SLC25A53: variants seen among roughly 807,000 people sequenced by gnomAD.
SLC25A53 encodes solute carrier family 25 member 53.
In SLC25A53, 5 loss-of-function variants were observed where a neutral mutation model predicts 15.0. The observed-to-expected ratio is 0.33, with a 90% CI of 0.17 to 0.70. The LOEUF is 0.70. Ranked by LOEUF, SLC25A53 falls within the 30% of genes least tolerant of loss-of-function variation. The probability of loss-of-function intolerance (pLI) is 0.67; values close to 1 mark genes in which losing one functional copy is unlikely to be tolerated. For synonymous variants in SLC25A53, 95 were observed against 100.0 expected, an observed-to-expected ratio of 0.95 and a Z score of 0.30; for missense variants, 216 against 241.6, an observed-to-expected ratio of 0.89 and a Z score of 0.70.
chrX:104,132,626 C>CA (rs1194332681), intron 1 of SLC25A53, among the ~76,000 whole-genome samples: 2 of 111,889 alleles, frequency 1.8e-5, no homozygotes, highest in Non-Finnish European at 3.8e-5. Flanking sequence ...ACACCCTGGA[C>CA]AAAATTTTTT....
At chrX:104,112,432 C>T (rs1239533744) in intron 1 of SLC25A53, 23 of 114,162 alleles carry the variant, frequency 2.0e-4, no homozygotes, top group African/African-American at 7.0e-4. Context: ...GCCCGCTCCC[C>T]CTTCTTGCTA....
intron 1 of SLC25A53, among the ~76,000 whole-genome samples, chrX:104,140,445 T>C (rs937803098): frequency 5.4e-5 from 6 of 110,682 alleles, no homozygotes; most frequent in Non-Finnish European, 7.5e-5. Context: ...ATAATCTCCA[T>C]GGCTTGTGTT....
At chrX:104,129,769 A>C (rs1300198682) in intron 1 of SLC25A53, among the ~76,000 whole-genome samples, 2 of 107,197 alleles carry the variant, frequency 1.9e-5, no homozygotes, top group East Asian at 2.8e-4. Context: ...AACTACATTT[A>C]TATATATAAG....
chrX:104,140,322 CGTGT>C (rs55930796), intron 1 of SLC25A53, among the ~76,000 whole-genome samples: 4 of 100,907 alleles, frequency 4.0e-5, no homozygotes, highest in African/African-American at 1.1e-4. Context: ...GACAGGATTC[CGTGT>C]GTGTGTGTGT....
At chrX:104,148,097 T>C (rs2075473775) in intron 1 of SLC25A53, among the ~76,000 whole-genome samples, 1 of 110,070 alleles carries the variant, frequency 9.1e-6, no homozygotes, top group Non-Finnish European at 1.9e-5. Flanking sequence ...GTGGCACATA[T>C]ACACCATGGA....
chrX:104,110,943 G>A (rs1376670657), intron 1 of SLC25A53, among the ~76,000 whole-genome samples: 3 of 112,764 alleles, frequency 2.7e-5, no homozygotes, highest in Non-Finnish European at 3.7e-5. Context: ...CGTTATGACA[G>A]ACCCATTTGA....
At chrX:104,148,516 A>C (rs1178880637) in intron 1 of SLC25A53, among the ~76,000 whole-genome samples, 2 of 110,984 alleles carry the variant, frequency 1.8e-5, no homozygotes, top group African/African-American at 3.3e-5. Flanking sequence ...AAAAAGGATG[A>C]GTTCATGTCC....
chrX:104,110,889 T>C (rs7889394), intron 1 of SLC25A53, among the ~76,000 whole-genome samples: 2 of 112,044 alleles, frequency 1.8e-5, no homozygotes, highest in South Asian at 7.2e-4. Context: ...AATGGGGTTT[T>C]ATTTCTCACA....
At chrX:104,123,807 G>C (rs1556363594) in intron 1 of SLC25A53, among the ~76,000 whole-genome samples, 1 of 110,972 alleles carries the variant, frequency 9.0e-6, no homozygotes, top group Non-Finnish European at 1.9e-5. Flanking sequence ...GTGAGAATAT[G>C]TGGTGTTTGG....
At chrX:104,111,213 C>T (rs1199519143) in intron 1 of SLC25A53, among the ~76,000 whole-genome samples, 4 of 112,283 alleles carry the variant, frequency 3.6e-5, no homozygotes, top group Non-Finnish European at 5.6e-5. Flanking sequence ...TCACACTCTT[C>T]ACCCCTAGTC....
rs1362935416 is a variant in SLC25A53, at chrX:104,104,962, T to G, written c.296A>C (p.Tyr99Ser). Residue 99 changes from tyrosine (Y) to serine (S), a missense_variant, in exon 2 of 2, where the codon TAT becomes TCT. Tyr to Ser is a moderately radical substitution (Grantham distance 144). Transcript: ENST00000594199. ...AGAGAGAAAGCACAGCAGGCTATCA[T>G]AAGTCCCAAACAGAAGAGTCCCTTG... The part of the protein sequence containing the change: ...TLQGTLLFGT[Y>S]DSLLCFLSPV... 7 of 1,209,297 alleles carry G rather than the reference T, an allele frequency of 5.8e-6. No homozygotes were observed. The highest frequency in any genetic ancestry group is 7.8e-6 in the Non-Finnish European group (7 of 895,185).
chrX:104,145,639 C>T (rs1285692094), intron 1 of SLC25A53, among the ~76,000 whole-genome samples: 1 of 111,903 alleles, frequency 8.9e-6, no homozygotes, highest in Non-Finnish European at 1.9e-5. Context: ...CACCACCGAT[C>T]CCACAGAACT....
At chrX:104,117,269 C>T (rs888178166) in intron 1 of SLC25A53, among the ~76,000 whole-genome samples, 11 of 106,425 alleles carry the variant, frequency 1.0e-4, no homozygotes, top group African/African-American at 3.1e-4. Context: ...CATTCCTATC[C>T]CCCTTGCTCC....
At chrX:104,138,513 G>A (rs1482850188) in intron 1 of SLC25A53, among the ~76,000 whole-genome samples, 2 of 112,516 alleles carry the variant, frequency 1.8e-5, no homozygotes, top group East Asian at 5.6e-4. Context: ...CCCAGTGGGC[G>A]TGTGTTACAG....
At chrX:104,132,108 C>T (rs1476743636) in intron 1 of SLC25A53, among the ~76,000 whole-genome samples, 2 of 112,523 alleles carry the variant, frequency 1.8e-5, no homozygotes, top group African/African-American at 6.5e-5. Flanking sequence ...TGGCAGAGGA[C>T]TAGATGGGGG....
At chrX:104,153,246 G>GTATA (rs796336204) in intron 1 of SLC25A53, among the ~76,000 whole-genome samples, 4 of 81,938 alleles carry the variant, frequency 4.9e-5, no homozygotes, top group East Asian at 4.8e-4. Context: ...TAGAGTGTGT[G>GTATA]TATATATATA....
intron 1 of SLC25A53, among the ~76,000 whole-genome samples, chrX:104,147,193 G>A (rs1181341565): frequency 1.8e-5 from 2 of 111,555 alleles, no homozygotes; most frequent in African/African-American, 6.5e-5. Flanking sequence ...AGAAAAACAA[G>A]CAATGGGGAA....
At chrX:104,131,735 T>C (rs2075426068) in intron 1 of SLC25A53, among the ~76,000 whole-genome samples, 1 of 111,354 alleles carries the variant, frequency 9.0e-6, no homozygotes, top group Non-Finnish European at 1.9e-5. Flanking sequence ...ATATGCTACC[T>C]AGTTATATCA....
chrX:104,120,051 G>C (rs4471175), intron 1 of SLC25A53, among the ~76,000 whole-genome samples: 1 of 110,959 alleles, frequency 9.0e-6, no homozygotes, highest in African/African-American at 3.3e-5. Flanking sequence ...ATGCGGCATC[G>C]GTTCATCATT....
Sources: gnomAD v4.1 joint callset for allele counts (sites outside exome capture counted in the v4.1 genomes callset) on GRCh38, gnomAD v4.1.1 for gene constraint, MANE v1.5 for transcripts, NCBI Gene and HGNC (gene_info 2026-07-23, HGNC 2026-07-21) for gene names.